HSD17B2: variants seen among roughly 807,000 people sequenced by gnomAD.
HSD17B2 encodes hydroxysteroid 17-beta dehydrogenase 2, also known as 17-beta-hydroxysteroid dehydrogenase type 2.
In HSD17B2, 32 loss-of-function variants were observed where a neutral mutation model predicts 26.9. The ratio of observed to expected loss-of-function variants is 1.19; its 90% CI spans 0.90 to 1.60. HSD17B2 has a LOEUF of 1.60. HSD17B2 is among the 40% of genes most tolerant of loss of function. The probability of loss-of-function intolerance (pLI) is 0.00; values close to 1 mark genes in which losing one functional copy is unlikely to be tolerated. For synonymous variants in HSD17B2, 246 were observed against 186.7 expected (o/e 1.32, Z -2.59); for missense variants, 613 against 468.6 (o/e 1.31, Z -2.85).
At chr16:82,063,251 C>T (rs1265598482) in intron 1 of HSD17B2, 1 of 152,146 alleles carries the variant, frequency 6.6e-6, no homozygotes, top group African/African-American at 2.4e-5. Flanking sequence ...TGAGTGGAAA[C>T]ATCTGAAAAT....
chr16:82,081,670 T>A (rs7201637), intron 3 of HSD17B2, among the ~76,000 whole-genome samples: 13,831 of 152,306 alleles, frequency 0.091, 1,120 homozygotes, highest in Admixed American at 0.24. Flanking sequence ...TTAGCATAGC[T>A]GCTTATGTGT....
At chr16:82,054,375 C>T (rs1052915493) in intron 1 of HSD17B2, among the ~76,000 whole-genome samples, 3 of 151,958 alleles carry the variant, frequency 2.0e-5, no homozygotes, top group Non-Finnish European at 4.4e-5. Context: ...GACAGAGTCT[C>T]GCTGTGTCAC....
chr16:82,045,808 C>G (rs989036061), intron 1 of HSD17B2, among the ~76,000 whole-genome samples: 1 of 152,222 alleles, frequency 6.6e-6, no homozygotes, highest in Non-Finnish European at 1.5e-5. Context: ...TGGTTCATGC[C>G]CTTTTAAGCT....
intron 3 of HSD17B2, among the ~76,000 whole-genome samples, chr16:82,085,511 C>G (rs1248015581): frequency 2.0e-5 from 3 of 152,048 alleles, no homozygotes; most frequent in Non-Finnish European, 4.4e-5. Context: ...TGTTTTACTC[C>G]AAGTACTATG....
At chr16:82,092,421 G>C (rs1373757087) in intron 4 of HSD17B2, 1 of 152,184 alleles carries the variant, frequency 6.6e-6, no homozygotes, top group East Asian at 1.9e-4. Flanking sequence ...TAAAAAGTAT[G>C]TCTAATAAAA....
intron 4 of HSD17B2, 72 bp downstream of exon 4, chr16:82,091,111 G>C (rs1406129874): frequency 1.4e-6 from 2 of 1,428,100 alleles, no homozygotes; most frequent in East Asian, 2.3e-5. Context: ...TGGTCTGACA[G>C]AGCACACATT....
At chr16:82,045,692 C>T (rs977103600) in intron 1 of HSD17B2, among the ~76,000 whole-genome samples, 3 of 152,204 alleles carry the variant, frequency 2.0e-5, no homozygotes, top group African/African-American at 7.2e-5. Context: ...GGCTAGCAAG[C>T]CCTCTTTTTG....
At chr16:82,039,641 C>A (rs1329810453) in intron 1 of HSD17B2, among the ~76,000 whole-genome samples, 1 of 152,156 alleles carries the variant, frequency 6.6e-6, no homozygotes, top group South Asian at 2.1e-4. Context: ...GGAGTTCCTT[C>A]CCCCTCTTCT....
chr16:82,049,472 A>C (rs1914039562), intron 1 of HSD17B2, among the ~76,000 whole-genome samples: 1 of 152,210 alleles, frequency 6.6e-6, no homozygotes, highest in Non-Finnish European at 1.5e-5. Context: ...TAATAAAGGG[A>C]ATGGAGATTT....
chr16:82,076,933 T>C (rs1476592073), intron 3 of HSD17B2, among the ~76,000 whole-genome samples: 1 of 152,174 alleles, frequency 6.6e-6, no homozygotes, highest in East Asian at 1.9e-4. Flanking sequence ...ACAAATAAAA[T>C]GAAATACCTG....
At chr16:82,045,676 T>C (rs1040934922) in intron 1 of HSD17B2, among the ~76,000 whole-genome samples, 8 of 152,236 alleles carry the variant, frequency 5.3e-5, no homozygotes, top group African/African-American at 1.7e-4. Flanking sequence ...ACTCTGACTG[T>C]TTCTTGGCTA....
rs8191235 is a variant in HSD17B2, at chr16:82,092,796, C to G, written c.802+1757C>G. ...GGTGAAGCCAAATGTGCTGGTTGGACTGAGAGACTGGGATACAAAGAGAGG... is the reference window on the plus strand; with the variant it reads ...GGTGAAGCCAAATGTGCTGGTTGGAGTGAGAGACTGGGATACAAAGAGAGG... On this transcript the variant is annotated intron_variant, in intron 4 of 4. Coordinates refer to ENST00000199936, the MANE Select transcript of HSD17B2 (RefSeq NM_002153.3). 1,426 of 152,310 alleles carry G rather than the reference C, an allele frequency of 9.4e-3. 6 individuals are homozygous for G. Among genetic ancestry groups the G allele is most frequent in the Non-Finnish European group, 0.015 (1,020 of 68,064 alleles). The allele number at this position is 152,310 out of a possible 1,614,324, so 9.4% of individuals were successfully genotyped here. A position where few individuals can be genotyped will look rare whatever the true frequency, so the allele number is the denominator to read the frequency against.
At chr16:82,044,471 G>C (rs542455029) in intron 1 of HSD17B2, 66 of 152,388 alleles carry the variant, frequency 4.3e-4, no homozygotes, top group African/African-American at 1.6e-3. Context: ...TGGGCAGCTG[G>C]GCTTAGCACA....
chr16:82,092,418 T>C (rs1035542793), intron 4 of HSD17B2: 1 of 152,168 alleles, frequency 6.6e-6, no homozygotes, highest in Non-Finnish European at 1.5e-5. Context: ...ATGTAAAAAG[T>C]ATGTCTAATA....
rs576351131 is a variant in HSD17B2 at position 82,096,199 on chromosome 16, G to C, written c.803-1876G>C. On this transcript the variant is annotated intron_variant, in intron 4 of 4. Coordinates refer to ENST00000199936, the MANE Select transcript of HSD17B2 (RefSeq NM_002153.3). ...AAATGAAAATTATATCCATTAAGTA[G>C]ATTAAATATTTAAAATCCTGTATTT... 4 of 152,116 alleles carry C rather than the reference G, an allele frequency of 2.6e-5. No individual in the cohort carries two copies. In the East Asian group the frequency reaches 7.7e-4, roughly 29 times the overall value. 9.4% of individuals were successfully genotyped at this position (152,116 alleles called of 1,614,324 possible).
chr16:82,068,211 G>C lies in HSD17B2; in HGVS notation c.307G>C (p.Asp103His). The C allele has an allele frequency of 6.2e-7, 1 of 1,614,154 alleles. No homozygotes were observed. The highest frequency in any genetic ancestry group is 8.5e-7 in the Non-Finnish European group (1 of 1,180,040). ...TGGCCATGCTTTGTGCAAGTATCTG[G>C]ATGAGCTGGGCTTCACGGTATTTGC... ...GLGHALCKYL[D>H]ELGFTVFAGV... The change falls in exon 2 of 5, where the codon GAT (aspartate) becomes CAT (histidine). Residue 103 changes from aspartate (D) to histidine (H), a missense_variant. Coordinates refer to ENST00000199936, the MANE Select transcript of HSD17B2 (RefSeq NM_002153.3).
chr16:82,051,798 G>T (rs1456949225), intron 1 of HSD17B2, among the ~76,000 whole-genome samples: 2 of 152,238 alleles, frequency 1.3e-5, no homozygotes, highest in African/African-American at 4.8e-5. Flanking sequence ...AGCTCTGCCA[G>T]CTTCTTGCTG....
rs139085511 is a variant in HSD17B2, at chr16:82,080,366, C to G, written c.664+9239C>G. ...ATTCTGGATGAATCTGATGCAATCACAAGGGTCCTTATAAGAAAGAGGCAT... is the reference window on the plus strand; with the variant it reads ...ATTCTGGATGAATCTGATGCAATCAGAAGGGTCCTTATAAGAAAGAGGCAT... On this transcript the variant is annotated intron_variant, in intron 3 of 4. Coordinates refer to ENST00000199936, the MANE Select transcript of HSD17B2 (RefSeq NM_002153.3). 2.9e-4 allele frequency among the ~76,000 whole-genome samples: 44 copies of G among 152,204 alleles called. No individual in the cohort carries two copies. In the South Asian group the frequency reaches 2.9e-3, roughly 10 times the overall value.
chr16:82,090,275 T>A (rs1188141770), intron 3 of HSD17B2: 1 of 395,998 alleles, frequency 2.5e-6, no homozygotes, highest in Non-Finnish European at 3.4e-6. Context: ...GGTCGGTAGG[T>A]GCTCTTCATC....
Sources: gnomAD v4.1 joint callset for allele counts (sites outside exome capture counted in the v4.1 genomes callset) on GRCh38, gnomAD v4.1.1 for gene constraint, MANE v1.5 for transcripts, NCBI Gene and HGNC (gene_info 2026-07-23, HGNC 2026-07-21) for gene names.